PMS2: variants seen among roughly 807,000 people sequenced by gnomAD.
PMS2 encodes the protein PMS1 homolog 2, mismatch repair system component, also known as mismatch repair endonuclease PMS2.
PMS2 carries 69 observed loss-of-function variants against 90.0 expected under a neutral mutation model. That is an observed-to-expected ratio of 0.77 (90% CI 0.63 to 0.94). PMS2 has a LOEUF of 0.94. PMS2 is among the 40% of genes least tolerant of loss of function. PMS2 has a pLI of 0.00. For synonymous variants in PMS2, 332 were observed against 375.1 expected (o/e 0.89, Z 1.33); for missense variants, 966 against 1,040.2 (o/e 0.93, Z 0.98).
At chr7:5,992,951 G>C (rs574990202) in intron 8 of PMS2, among the ~76,000 whole-genome samples, 22 of 152,244 alleles carry the variant, frequency 1.4e-4, no homozygotes, top group Non-Finnish European at 2.5e-4. Context: ...AATGTCATTA[G>C]AAATAAACCA....
At chr7:5,977,099 G>A (rs1781748728) in intron 14 of PMS2, among the ~76,000 whole-genome samples, 1 of 150,860 alleles carries the variant, frequency 6.6e-6, no homozygotes, top group South Asian at 2.1e-4. Context: ...CTGTCGCCCA[G>A]GTTGGAGTGC....
chr7:5,982,147 C>T (rs1782347277), intron 12 of PMS2, among the ~76,000 whole-genome samples: 1 of 151,554 alleles, frequency 6.6e-6, no homozygotes, highest in African/African-American at 2.4e-5. Flanking sequence ...TCCTGAGTAG[C>T]TGGAATTACA....
Position 5,989,933 on chromosome 7 carries a change from A to C in PMS2, c.1011T>G (p.Thr337=). Residue 337 remains threonine, a synonymous_variant, in exon 10 of 15, where the codon ACT becomes ACG. Coordinates refer to ENST00000265849, the MANE Select transcript of PMS2 (RefSeq NM_000535.7). ...VDSECVDINV[T]PDKRQILLQE... ...GTAGCAAAATTTGCCTTTTATCTGG[A>C]GTAACATTGATATCAACGCATTCTA... 6.2e-7 allele frequency: 1 copy of C among 1,609,168 alleles called. No individual in the cohort carries two copies. Among genetic ancestry groups the C allele is most frequent in the Non-Finnish European group, 8.5e-7 (1 of 1,176,392 alleles).
At chr7:5,998,719 T>G (rs1291810596) in intron 6 of PMS2, among the ~76,000 whole-genome samples, 1 of 138,798 alleles carries the variant, frequency 7.2e-6, no homozygotes, top group Non-Finnish European at 1.5e-5. Context: ...CGGCCGGGCT[T>G]GGTGGCTCAC....
intron 3 of PMS2, 76 bp from the exon 4 acceptor site, chr7:6,003,868 T>A: frequency 7.8e-7 from 1 of 1,274,000 alleles, no homozygotes; most frequent in Non-Finnish European, 1.1e-6. Context: ...ATCTAGTAAC[T>A]GGCTTTAAAA....
At chr7:5,993,514 C>T (rs897333912) in intron 8 of PMS2, among the ~76,000 whole-genome samples, 10 of 150,254 alleles carry the variant, frequency 6.7e-5, no homozygotes, top group Non-Finnish European at 1.0e-4. Context: ...TAATCTGAGC[C>T]CTTATTTTCC....
chr7:5,983,034 A>G lies in PMS2; in HGVS notation c.2007-43T>C, dbSNP rs774095846. 1.2e-5 allele frequency: 19 copies of G among 1,525,808 alleles called. No homozygotes were observed. In the East Asian group the frequency reaches 4.0e-4, roughly 32 times the overall value. The allele number at this position is 1,525,808 out of a possible 1,614,324, so 94.5% of individuals were successfully genotyped here. ...TAATTATCAGACATTTTACAAGATT[A>G]TTTTTCTGATTATGTTATAGAACAC... On this transcript the variant is annotated intron_variant, in intron 11 of 14. Coordinates refer to ENST00000265849, the MANE Select transcript of PMS2 (RefSeq NM_000535.7).
Position 5,982,965 on chromosome 7 carries a change from A to G in PMS2, c.2033T>C (p.Ile678Thr), listed in dbSNP as rs587782553. 1.0e-5 allele frequency: 16 copies of G among 1,568,066 alleles called. No individual in the cohort carries two copies. Among genetic ancestry groups the G allele is most frequent in the Non-Finnish European group, 1.4e-5 (16 of 1,149,012 alleles). ...ISKTMFAEME[I>T]IGQFNLGFII... ...AAATCCCAGGTTAAACTGACCAATG[A>G]TTTCCATTTCTGCAAACATCGTTTT... The change falls in exon 12 of 15, where the codon ATC becomes ACC. Residue 678 changes from isoleucine (I) to threonine (T), a missense_variant. Around this residue, in one of 2 missense-constraint regions of PMS2, gnomAD observed 95 missense variants for 237.8 expected, o/e 0.40. Coordinates refer to ENST00000265849, the MANE Select transcript of PMS2 (RefSeq NM_000535.7).
intron 11 of PMS2, among the ~76,000 whole-genome samples, chr7:5,983,904 G>A (rs1430481938): frequency 1.3e-5 from 2 of 151,650 alleles, no homozygotes; most frequent in Non-Finnish European, 2.9e-5. Flanking sequence ...CACCTGCCTC[G>A]GCCTCCCAAA....
chr7:6,005,561 T>C (rs34260367), intron 2 of PMS2, among the ~76,000 whole-genome samples: 2,975 of 152,310 alleles, frequency 0.02, 97 homozygotes, highest in African/African-American at 0.069. Context: ...GGTCTTGAAC[T>C]CTTGGCCTCA....
At chr7:5,985,424 T>C (rs1206325844) in intron 11 of PMS2, among the ~76,000 whole-genome samples, 1 of 151,532 alleles carries the variant, frequency 6.6e-6, no homozygotes, top group Admixed American at 6.6e-5. Context: ...GAAAAATGTA[T>C]AATAAGGCAT....
intron 1 of PMS2, 138 bp downstream of exon 1, chr7:6,008,859 G>C: frequency 1.9e-6 from 2 of 1,052,092 alleles, no homozygotes; most frequent in East Asian, 2.4e-5. Flanking sequence ...CACTGAGGTC[G>C]CCACTCCGGG....
intron 12 of PMS2, 72 bp downstream of exon 12, chr7:5,982,752 T>C: frequency 6.2e-7 from 1 of 1,609,712 alleles, no homozygotes; most frequent in East Asian, 2.2e-5. Flanking sequence ...CCTCTTGTGA[T>C]CCTCCTGCCT....
intron 12 of PMS2, among the ~76,000 whole-genome samples, chr7:5,982,350 C>T (rs1188312108): frequency 2.0e-5 from 3 of 152,216 alleles, no homozygotes; most frequent in South Asian, 2.1e-4. Context: ...GGACTACAGG[C>T]GCCCGCCACC....
intron 2 of PMS2, 152 bp from the exon 3 acceptor site, chr7:6,004,210 T>C: frequency 1.7e-6 from 1 of 598,964 alleles, no homozygotes; most frequent in Non-Finnish European, 3.0e-6. Flanking sequence ...TTCATTGTTA[T>C]AAAGTCCTTT....
chr7:5,984,825 A>G (rs1168879765), intron 11 of PMS2, among the ~76,000 whole-genome samples: 5 of 151,682 alleles, frequency 3.3e-5, no homozygotes, highest in South Asian at 2.1e-4. Flanking sequence ...GTTTCTTTCT[A>G]TAAGTGCTCC....
chr7:6,004,906 ATTCTT>A (rs930294505), intron 2 of PMS2, among the ~76,000 whole-genome samples: 30 of 152,002 alleles, frequency 2.0e-4, no homozygotes, highest in African/African-American at 6.5e-4. Context: ...TTATTTTATT[ATTCTT>A]TTCTTTTCTT....
At chr7:5,998,168 A>G (rs1038417114) in intron 6 of PMS2, among the ~76,000 whole-genome samples, 3 of 146,986 alleles carry the variant, frequency 2.0e-5, no homozygotes, top group African/African-American at 5.1e-5. Context: ...TGCAACCTCC[A>G]TCTCCCGGGT....
chr7:5,995,552 C>T lies in PMS2; in HGVS notation c.885G>A (p.Arg295=), dbSNP rs786201615. Residue 295 remains arginine (R), a synonymous_variant, in exon 8 of 15, where the codon CGG becomes CGA. Coordinates refer to ENST00000265849, the MANE Select transcript of PMS2 (RefSeq NM_000535.7). ...TAAATACCTTTGCTGGGTCACAAGG[C>T]CGCCGGTTGATAAAGAAAAACTGTC... ...TDRQFFFINR[R]PCDPAKVCRL... The T allele has an allele frequency of 6.2e-6, 10 of 1,613,400 alleles. No homozygotes were observed. The highest frequency in any genetic ancestry group is 1.3e-5 in the African/African-American group (1 of 74,912).
Sources: gnomAD v4.1 joint callset for allele counts (sites outside exome capture counted in the v4.1 genomes callset) on GRCh38, gnomAD v4.1.1 for gene constraint, gnomAD v4.1.1 regional missense constraint, MANE v1.5 for transcripts, NCBI Gene and HGNC (gene_info 2026-07-23, HGNC 2026-07-21) for gene names.